The following PDZRN4 variants were observed in gnomAD, a reference collection of about 807,000 sequenced individuals.
PDZRN4 encodes the protein PDZ domain containing ring finger 4, also known as PDZ domain-containing RING finger protein 4.
In PDZRN4, 70 loss-of-function variants were observed where a neutral mutation model predicts 99.0. The observed-to-expected ratio is 0.71, with a 90% confidence interval of 0.58 to 0.86. The LOEUF (loss-of-function observed/expected upper bound fraction) is 0.86, where lower values mean the gene tolerates loss of function less well. Ranked by LOEUF, PDZRN4 falls within the 40% of genes least tolerant of loss-of-function variation. PDZRN4 has a pLI of 0.00. For missense variants in PDZRN4, 1,474 were observed against 1,331.2 expected (o/e 1.11, Z -1.67); for synonymous variants, 551 against 501.6 (o/e 1.10, Z -1.32).
intron 7 of PDZRN4, among the ~76,000 whole-genome samples, chr12:41,561,023 C>T (rs769412159): frequency 8.5e-4 from 130 of 152,178 alleles, no homozygotes; most frequent in Non-Finnish European, 1.6e-3. Flanking sequence ...AAGAAATGAT[C>T]TGTTGCCCCA....
chr12:41,454,953 T>G (rs1952805924), intron 3 of PDZRN4, among the ~76,000 whole-genome samples: 1 of 152,214 alleles, frequency 6.6e-6, no homozygotes, highest in South Asian at 2.1e-4. Context: ...CTGGTATAAC[T>G]CAGGAATTGA....
At chr12:41,511,884 T>G (rs192808809) in intron 5 of PDZRN4, among the ~76,000 whole-genome samples, 59 of 152,262 alleles carry the variant, frequency 3.9e-4, no homozygotes, top group Admixed American at 3.3e-3. Context: ...GTGTTGCACT[T>G]TTACTGTTAC....
chr12:41,290,953 C>G (rs1183434021), intron 3 of PDZRN4, among the ~76,000 whole-genome samples: 1 of 151,920 alleles, frequency 6.6e-6, no homozygotes, highest in Non-Finnish European at 1.5e-5. Context: ...TTGAACAAAG[C>G]ATACATTTAA....
chr12:41,484,351 A>G (rs562420974), intron 3 of PDZRN4, among the ~76,000 whole-genome samples: 117 of 152,318 alleles, frequency 7.7e-4, no homozygotes, highest in African/African-American at 2.1e-3. Flanking sequence ...ACTGCAACCA[A>G]CCAACTAACT....
At chr12:41,545,468 C>T (rs1476880518) in intron 5 of PDZRN4, among the ~76,000 whole-genome samples, 2 of 151,430 alleles carry the variant, frequency 1.3e-5, no homozygotes, top group Non-Finnish European at 2.9e-5. Flanking sequence ...CTACCATGTC[C>T]ACAAGATTTC....
At chr12:41,272,200 G>A (rs1421102937) in intron 3 of PDZRN4, among the ~76,000 whole-genome samples, 3 of 151,668 alleles carry the variant, frequency 2.0e-5, no homozygotes, top group Admixed American at 6.6e-5. Flanking sequence ...TTTACTTTAA[G>A]AACATAAAAT....
chr12:41,543,694 G>T (rs1248151071), intron 5 of PDZRN4, among the ~76,000 whole-genome samples: 1 of 152,030 alleles, frequency 6.6e-6, no homozygotes, highest in Non-Finnish European at 1.5e-5. Flanking sequence ...ATATATTGTG[G>T]CATGATAAAG....
chr12:41,227,226 G>A (rs1659884653), intron 3 of PDZRN4, among the ~76,000 whole-genome samples: 1 of 152,162 alleles, frequency 6.6e-6, no homozygotes, highest in Admixed American at 6.5e-5. Flanking sequence ...GTGGTGTTCA[G>A]AAGTAATTCT....
intron 3 of PDZRN4, among the ~76,000 whole-genome samples, chr12:41,407,840 C>A (rs1268828162): frequency 1.3e-5 from 2 of 152,144 alleles, no homozygotes; most frequent in African/African-American, 4.8e-5. Context: ...TATCACGCAA[C>A]TGGCATGAAC....
chr12:41,377,036 A>G (rs1010106493), intron 3 of PDZRN4, among the ~76,000 whole-genome samples: 5 of 152,104 alleles, frequency 3.3e-5, no homozygotes, highest in African/African-American at 9.7e-5. Context: ...CTAGTTGACT[A>G]TATATGCCTG....
At chr12:41,561,009 C>G (rs2120827220) in intron 7 of PDZRN4, among the ~76,000 whole-genome samples, 1 of 152,262 alleles carries the variant, frequency 6.6e-6, no homozygotes, top group East Asian at 1.9e-4. Context: ...AGAAGTGTTT[C>G]TGCAAGAAAT....
At chr12:41,311,498 G>A (rs1951606356) in intron 3 of PDZRN4, among the ~76,000 whole-genome samples, 1 of 152,104 alleles carries the variant, frequency 6.6e-6, no homozygotes, top group South Asian at 2.1e-4. Flanking sequence ...ATTTTGCTGT[G>A]TATCCTGGGT....
At chr12:41,280,536 G>A (rs1211856321) in intron 3 of PDZRN4, among the ~76,000 whole-genome samples, 1 of 152,116 alleles carries the variant, frequency 6.6e-6, no homozygotes, top group Admixed American at 6.5e-5. Flanking sequence ...GGGGAGGGGC[G>A]TCCGCATTAC....
chr12:41,426,922 C>T (rs920177013), intron 3 of PDZRN4, among the ~76,000 whole-genome samples: 2 of 152,128 alleles, frequency 1.3e-5, no homozygotes, highest in Non-Finnish European at 2.9e-5. Flanking sequence ...AACTCAGAAG[C>T]CCTAGGAATT....
At chr12:41,303,197 A>G (rs1022396235) in intron 3 of PDZRN4, among the ~76,000 whole-genome samples, 3 of 152,160 alleles carry the variant, frequency 2.0e-5, no homozygotes, top group Non-Finnish European at 2.9e-5. Flanking sequence ...TTCTATTTTT[A>G]TAATGTTGTC....
chr12:41,253,865 A>G (rs192498842), intron 3 of PDZRN4, among the ~76,000 whole-genome samples: 89 of 152,234 alleles, frequency 5.8e-4, no homozygotes, highest in African/African-American at 2.1e-3. Flanking sequence ...CCATTTGCTA[A>G]GTGAAATAAG....
chr12:41,406,938 G>A (rs986975495), intron 3 of PDZRN4, among the ~76,000 whole-genome samples: 6 of 149,262 alleles, frequency 4.0e-5, no homozygotes, highest in African/African-American at 1.5e-4. Context: ...ACAAAAGAAA[G>A]AGAAAAATGC....
At chr12:41,559,132 A>T (rs577621815) in intron 7 of PDZRN4, among the ~76,000 whole-genome samples, 1 of 152,134 alleles carries the variant, frequency 6.6e-6, no homozygotes, top group East Asian at 1.9e-4. Context: ...GTAGCACACC[A>T]TGGGCCTGTA....
intron 3 of PDZRN4, among the ~76,000 whole-genome samples, chr12:41,283,238 T>C (rs1319187873): frequency 1.3e-5 from 2 of 152,192 alleles, no homozygotes; most frequent in Non-Finnish European, 2.9e-5. Flanking sequence ...ATAACACTTC[T>C]GTGCAAATAA....
Sources: gnomAD v4.1 joint callset for allele counts (sites outside exome capture counted in the v4.1 genomes callset) on GRCh38, gnomAD v4.1.1 for gene constraint, MANE v1.5 for transcripts, NCBI Gene and HGNC (gene_info 2026-07-23, HGNC 2026-07-21) for gene names.